SLC35F1: variants seen among roughly 807,000 people sequenced by gnomAD.
SLC35F1 encodes solute carrier family 35 member F1.
SLC35F1 carries 14 observed loss-of-function variants against 48.7 expected under a neutral mutation model. The ratio of observed to expected loss-of-function variants is 0.29; its 90% CI spans 0.19 to 0.45. The LOEUF is 0.45. SLC35F1 is among the 20% of genes least tolerant of loss of function. SLC35F1 has a pLI of 1.00. For missense variants in SLC35F1, 404 were observed against 500.0 expected, an observed-to-expected ratio of 0.81 and a Z score of 1.83; for synonymous variants, 190 against 202.2, an observed-to-expected ratio of 0.94 and a Z score of 0.51.
At chr6:117,923,811 A>ATACATATGTATATATACATATACACG (rs1775976655) in intron 1 of SLC35F1, among the ~76,000 whole-genome samples, 1 of 84,924 alleles carries the variant, frequency 1.2e-5, no homozygotes, top group Non-Finnish European at 2.7e-5. Context: ...ACATATACAC[A>ATACATATGTATATATACATATACACG]TACATATGTA....
intron 2 of SLC35F1, among the ~76,000 whole-genome samples, chr6:118,216,734 T>C (rs1775078699): frequency 6.6e-6 from 1 of 152,222 alleles, no homozygotes; most frequent in African/African-American, 2.4e-5. Context: ...AGTAGCACTT[T>C]ACTATGGTCA....
intron 1 of SLC35F1, among the ~76,000 whole-genome samples, chr6:118,100,133 A>G (rs1773235429): frequency 6.6e-6 from 1 of 152,198 alleles, no homozygotes; most frequent in African/African-American, 2.4e-5. Flanking sequence ...GCTCTAGGTC[A>G]CATGAGCTAT....
intron 2 of SLC35F1, among the ~76,000 whole-genome samples, chr6:118,201,664 C>T (rs867858806): frequency 7.9e-5 from 12 of 152,036 alleles, no homozygotes; most frequent in Admixed American, 4.6e-4. Context: ...GTATATAATT[C>T]GGTGGGTTTT....
At chr6:117,911,528 T>C (rs1444086598) in intron 1 of SLC35F1, among the ~76,000 whole-genome samples, 1 of 151,336 alleles carries the variant, frequency 6.6e-6, no homozygotes, top group Non-Finnish European at 1.5e-5. Flanking sequence ...CTTGACTTCC[T>C]GGGCTCAAGT....
At chr6:117,921,562 G>T (rs755710175) in intron 1 of SLC35F1, among the ~76,000 whole-genome samples, 7 of 152,150 alleles carry the variant, frequency 4.6e-5, no homozygotes, top group Non-Finnish European at 7.4e-5. Flanking sequence ...GCCCCTAGTG[G>T]GATACATGCC....
chr6:118,245,443 C>A (rs370431351), intron 3 of SLC35F1, among the ~76,000 whole-genome samples: 5 of 152,166 alleles, frequency 3.3e-5, no homozygotes, highest in African/African-American at 1.2e-4. Flanking sequence ...TCCCTAGGGG[C>A]AGCTGGCTAG....
chr6:118,002,685 G>A (rs1176083310), intron 1 of SLC35F1, among the ~76,000 whole-genome samples: 1 of 150,692 alleles, frequency 6.6e-6, no homozygotes, highest in Non-Finnish European at 1.5e-5. Flanking sequence ...AGGTCATATC[G>A]ACCCTTTCTC....
At chr6:118,053,145 T>C (rs1772414687) in intron 1 of SLC35F1, among the ~76,000 whole-genome samples, 1 of 152,176 alleles carries the variant, frequency 6.6e-6, no homozygotes, top group Non-Finnish European at 1.5e-5. Context: ...GGGCTCCAAA[T>C]TAAATTAAAT....
intron 2 of SLC35F1, among the ~76,000 whole-genome samples, chr6:118,190,953 T>C (rs1188315862): frequency 2.0e-5 from 3 of 152,220 alleles, no homozygotes; most frequent in Admixed American, 6.5e-5. Flanking sequence ...TAGCATAACT[T>C]TCACAAGAGA....
intron 1 of SLC35F1, among the ~76,000 whole-genome samples, chr6:118,026,254 T>C (rs544510224): frequency 1.3e-5 from 2 of 152,104 alleles, no homozygotes; most frequent in East Asian, 3.9e-4. Context: ...TGTGATGAGA[T>C]GGGGGAGGAT....
chr6:118,057,101 C>T (rs1772473908), intron 1 of SLC35F1, among the ~76,000 whole-genome samples: 1 of 151,992 alleles, frequency 6.6e-6, no homozygotes, highest in African/African-American at 2.4e-5. Flanking sequence ...TACCTCTGCC[C>T]CATGTAAATT....
At chr6:117,954,459 AT>A (rs1776401764) in intron 1 of SLC35F1, among the ~76,000 whole-genome samples, 1 of 152,014 alleles carries the variant, frequency 6.6e-6, no homozygotes, top group Non-Finnish European at 1.5e-5. Flanking sequence ...GGGTTTTACC[AT>A]TTTGGTTAAG....
At position 118,157,631 on chromosome 6, in the gene SLC35F1, G is replaced by A. The variant is rs139308297; in HGVS notation, c.349+3011G>A. 7.4e-4 allele frequency among the ~76,000 whole-genome samples: 112 copies of A among 152,268 alleles called. 1 individual carries two copies. The East Asian group carries it at 0.021, about 28-fold the overall frequency. ...TGGCAAATCACTGGTATAAGTCCAA[G>A]AATCCAAAAGCTGAAGAACTTGAAG... is the stretch of plus-strand genomic sequence containing the variant. On this transcript the variant is annotated intron_variant, in intron 2 of 7. Transcript: ENST00000360388.
intron 1 of SLC35F1, among the ~76,000 whole-genome samples, chr6:118,112,180 G>A (rs1163521487): frequency 1.3e-5 from 2 of 149,746 alleles, no homozygotes; most frequent in African/African-American, 5.0e-5. Context: ...CCAGGCTGGA[G>A]TGCAGTGGCA....
At chr6:118,173,949 G>T (rs763447087) in intron 2 of SLC35F1, among the ~76,000 whole-genome samples, 5 of 152,172 alleles carry the variant, frequency 3.3e-5, no homozygotes, top group Non-Finnish European at 7.3e-5. Context: ...CAGATTCCAT[G>T]CCTGAAGAAG....
At chr6:118,222,844 T>C (rs781540886) in intron 2 of SLC35F1, among the ~76,000 whole-genome samples, 4 of 152,234 alleles carry the variant, frequency 2.6e-5, no homozygotes, top group Non-Finnish European at 5.9e-5. Context: ...ACCACCCTAG[T>C]AGTCTTTGAG....
intron 3 of SLC35F1, among the ~76,000 whole-genome samples, chr6:118,240,836 C>G (rs879773406): frequency 6.6e-6 from 1 of 152,040 alleles, no homozygotes. Context: ...CGAGCAGGGT[C>G]GTGTCTGGGC....
intron 1 of SLC35F1, among the ~76,000 whole-genome samples, chr6:117,977,932 A>G (rs1370127348): frequency 6.6e-6 from 1 of 152,174 alleles, no homozygotes; most frequent in Non-Finnish European, 1.5e-5. Context: ...AGCAGTTGGA[A>G]TAATAAATAT....
intron 2 of SLC35F1, among the ~76,000 whole-genome samples, chr6:118,155,339 A>T (rs1582699015): frequency 6.6e-6 from 1 of 152,268 alleles, no homozygotes; most frequent in East Asian, 1.9e-4. Flanking sequence ...CCACTGTGAC[A>T]ATATTAAGAG....
Sources: allele counts gnomAD v4.1 joint callset (sites outside exome capture counted in the v4.1 genomes callset), GRCh38; gene constraint gnomAD v4.1.1; transcripts MANE v1.5; gene names NCBI Gene and HGNC (gene_info 2026-07-23, HGNC 2026-07-21).